The following GORAB variants were observed in gnomAD, a reference collection of about 807,000 sequenced individuals.
The protein encoded by GORAB is RAB6-interacting golgin.
In GORAB, 17 loss-of-function variants were observed where a neutral mutation model predicts 29.9. That is an observed-to-expected ratio of 0.57 (90% CI 0.39 to 0.85). GORAB has a LOEUF of 0.85. GORAB is among the 40% of genes least tolerant of loss of function. The pLI is 0.00. For synonymous variants in GORAB, 183 were observed against 157.2 expected, an observed-to-expected ratio of 1.16 and a Z score of -1.23; for missense variants, 442 against 437.8, an observed-to-expected ratio of 1.01 and a Z score of -0.09.
At chr1:170,533,752 T>A in intron 1 of GORAB, 2 of 326,888 alleles carry the variant, frequency 6.1e-6, no homozygotes, top group East Asian at 1.5e-4. Context: ...TAGAGGATGG[T>A]GAGGACCTGA....
chr1:170,547,310 A>C (rs1649821891), intron 4 of GORAB, among the ~76,000 whole-genome samples: 1 of 152,150 alleles, frequency 6.6e-6, no homozygotes, highest in Non-Finnish European at 1.5e-5. Flanking sequence ...AATAGGCCAG[A>C]ACTTGCTTTA....
intron 2 of GORAB, 39 bp from the exon 3 acceptor site, chr1:170,542,452 C>A: frequency 7.7e-7 from 1 of 1,306,640 alleles, no homozygotes; most frequent in Non-Finnish European, 1.1e-6. Context: ...GTTTCTTTTT[C>A]TTTCATAAAC....
At chr1:170,544,490 CTTAT>C (rs1183997003) in intron 3 of GORAB, 4 of 430,768 alleles carry the variant, frequency 9.3e-6, no homozygotes, top group South Asian at 3.6e-5. Context: ...TTTTTTTAGA[CTTAT>C]TTGTTACTTT....
chr1:170,547,425 CT>C (rs1268559243), intron 4 of GORAB, among the ~76,000 whole-genome samples: 1 of 134,874 alleles, frequency 7.4e-6, no homozygotes, highest in Non-Finnish European at 1.5e-5. Flanking sequence ...ACTGCTGCTA[CT>C]GCTGCTACTG....
chr1:170,548,243 A>G (rs984610874), intron 4 of GORAB, among the ~76,000 whole-genome samples: 2 of 152,210 alleles, frequency 1.3e-5, no homozygotes, highest in Admixed American at 1.3e-4. Flanking sequence ...CTGTGCCTCC[A>G]TAGTTATGTT....
Position 170,539,204 on chromosome 1 carries a change from A to G in GORAB, c.62-6A>G. On this transcript the variant is annotated splice_region_variant and splice_polypyrimidine_tract_variant and intron_variant, in intron 1 of 4. Coordinates refer to ENST00000367763, the MANE Select transcript of GORAB (RefSeq NM_152281.3). ...AAGGAATTTTCCTCTATTTTCTTTTACATAGATCCATTTGAACCACAGCGA... is the reference window on the plus strand; with the variant it reads ...AAGGAATTTTCCTCTATTTTCTTTTGCATAGATCCATTTGAACCACAGCGA... The G allele has an allele frequency of 6.2e-7, 1 of 1,614,064 alleles. No individual in the cohort carries two copies. Among genetic ancestry groups the G allele is most frequent in the Non-Finnish European group, 8.5e-7 (1 of 1,179,954 alleles).
At chr1:170,545,155 A>C in intron 4 of GORAB, 1 of 1,047,548 alleles carries the variant, frequency 9.5e-7, no homozygotes, top group Non-Finnish European at 1.2e-6. Flanking sequence ...ATCTTTCAGC[A>C]TCTAGCAAAG....
intron 4 of GORAB, chr1:170,545,502 G>T: frequency 1.0e-6 from 1 of 984,390 alleles, no homozygotes; most frequent in Non-Finnish European, 1.2e-6. Flanking sequence ...ACTAACACAT[G>T]TAATGAATTA....
chr1:170,533,313 CTG>C (rs2101813992), intron 1 of GORAB, among the ~76,000 whole-genome samples: 1 of 152,250 alleles, frequency 6.6e-6, no homozygotes, highest in South Asian at 2.1e-4. Flanking sequence ...ATTATATCGA[CTG>C]GGGACATTTT....
rs747709307 is a variant in GORAB, at chr1:170,552,206, T to G, written c.854T>G (p.Leu285Arg). ...GAAGCCGATGAAGAGACTTTGGAGC[T>G]TGAGGTGGAGGTCGAGAGATTGCTA... Reference protein sequence around the residue: ...DVEADEETLELEVEVERLLHE... With the variant: ...DVEADEETLEREVEVERLLHE... Residue 285 changes from leucine to arginine, a missense_variant, in exon 5 of 5, where the codon CTT (leucine) becomes CGT (arginine). Leu to Arg is a moderately radical substitution (Grantham distance 102). Coordinates refer to ENST00000367763, the MANE Select transcript of GORAB (RefSeq NM_152281.3). The G allele has an allele frequency of 6.2e-7, 1 of 1,614,066 alleles. No individual in the cohort carries two copies.
At chr1:170,541,688 T>C (rs930643043) in intron 2 of GORAB, among the ~76,000 whole-genome samples, 2 of 152,224 alleles carry the variant, frequency 1.3e-5, no homozygotes, top group Non-Finnish European at 2.9e-5. Flanking sequence ...CTCATGACTT[T>C]ATGGGAAATT....
chr1:170,541,531 A>G (rs531765811), intron 2 of GORAB, among the ~76,000 whole-genome samples: 1 of 152,066 alleles, frequency 6.6e-6, no homozygotes, highest in Admixed American at 6.6e-5. Flanking sequence ...CTAAGGTGGA[A>G]GGTGTAGAAA....
rs1227567732 is a variant in GORAB at position 170,553,149 on chromosome 1, C to T, written c.*687C>T. 1 of 434,734 alleles carries T rather than the reference C, an allele frequency of 2.3e-6. No individual in the cohort carries two copies. The highest frequency in any genetic ancestry group is 4.6e-6 in the Non-Finnish European group (1 of 219,718). 26.9% of individuals were successfully genotyped at this position (434,734 alleles called of 1,614,324 possible). A position where few individuals can be genotyped will look rare whatever the true frequency, so the allele number is the denominator to read the frequency against. Reference sequence around the variant, plus strand: ...GTAATTTTACTATTTTATTGTCTTTCCTTTAATCGATGAATTGATTAAATT... The same window carrying T: ...GTAATTTTACTATTTTATTGTCTTTTCTTTAATCGATGAATTGATTAAATT... On this transcript the variant is annotated 3_prime_UTR_variant, in exon 5 of 5. Transcript: ENST00000367763.
At chr1:170,533,743 A>G in intron 1 of GORAB, 1 of 340,148 alleles carries the variant, frequency 2.9e-6, no homozygotes, top group South Asian at 2.2e-5. Flanking sequence ...GGGGGTAGAT[A>G]GAGGATGGTG....
In GORAB at chr1:170,552,200, T is replaced by G; in HGVS notation, c.848T>G (p.Leu283Trp). The G allele has an allele frequency of 1.2e-6, 2 of 1,614,088 alleles. No individual in the cohort carries two copies. Among genetic ancestry groups the G allele is most frequent in the Non-Finnish European group, 1.7e-6 (2 of 1,179,984 alleles). Reference sequence around the variant, plus strand: ...GATGTAGAAGCCGATGAAGAGACTTTGGAGCTTGAGGTGGAGGTCGAGAGA... The same window carrying G: ...GATGTAGAAGCCGATGAAGAGACTTGGGAGCTTGAGGTGGAGGTCGAGAGA... The part of the protein sequence containing the change: ...QLDVEADEET[L>W]ELEVEVERLL... The change falls in exon 5 of 5, where the codon TTG becomes TGG. Residue 283 changes from leucine to tryptophan, a missense_variant. Coordinates refer to ENST00000367763, the MANE Select transcript of GORAB (RefSeq NM_152281.3).
chr1:170,547,617 C>T (rs940375782), intron 4 of GORAB, among the ~76,000 whole-genome samples: 7 of 152,028 alleles, frequency 4.6e-5, no homozygotes, highest in African/African-American at 9.7e-5. Context: ...CACCCACAGA[C>T]GAATATTTTT....
In GORAB at chr1:170,553,177, G is replaced by T. The variant is rs1286145660; in HGVS notation, c.*715G>T. ...TTAATCGATGAATTGATTAAATTTA[G>T]ACAATTAAAACATTTCTAAAGTGAG... On this transcript the variant is annotated 3_prime_UTR_variant, in exon 5 of 5. Transcript: ENST00000367763. 4.6e-6 allele frequency: 2 copies of T among 431,486 alleles called. No individual in the cohort carries two copies. Among genetic ancestry groups the T allele is most frequent in the Admixed American group, 2.6e-5 (1 of 37,832 alleles). 26.7% of individuals were successfully genotyped at this position (431,486 alleles called of 1,614,324 possible). A position where few individuals can be genotyped will look rare whatever the true frequency, so the allele number is the denominator to read the frequency against.
intron 2 of GORAB, among the ~76,000 whole-genome samples, chr1:170,541,911 G>A (rs901920859): frequency 7.2e-5 from 11 of 151,930 alleles, no homozygotes; most frequent in African/African-American, 1.7e-4. Context: ...CTAGGAGTTC[G>A]AGACCTGACT....
chr1:170,545,214 G>T, intron 4 of GORAB: 1 of 1,001,340 alleles, frequency 1.0e-6, no homozygotes, highest in South Asian at 4.4e-5. Context: ...CACCAAGTCT[G>T]TGTTCTTTCC....
Sources: allele counts gnomAD v4.1 joint callset (sites outside exome capture counted in the v4.1 genomes callset), GRCh38; gene constraint gnomAD v4.1.1; transcripts MANE v1.5; gene names NCBI Gene and HGNC (gene_info 2026-07-23, HGNC 2026-07-21).